The following EMSY variants were observed in gnomAD, a reference collection of about 807,000 sequenced individuals.
EMSY encodes BRCA2-interacting transcriptional repressor EMSY.
Under a neutral mutation model 134.6 loss-of-function variants are expected in EMSY, and 26 were observed. The observed-to-expected ratio is 0.19, with a 90% CI of 0.14 to 0.27. EMSY has a LOEUF of 0.27. Ranked by LOEUF, EMSY falls within the 10% of genes least tolerant of loss-of-function variation. The pLI is 1.00. For missense variants in EMSY, 1,305 were observed against 1,611.4 expected, an observed-to-expected ratio of 0.81 and a Z score of 3.26; for synonymous variants, 579 against 577.8, an observed-to-expected ratio of 1.00 and a Z score of -0.03.
At chr11:76,458,331 G>C in exon 5 of EMSY, 4 of 1,611,654 alleles carry the variant, frequency 2.5e-6, no homozygotes, top group Non-Finnish European at 3.4e-6. Context: ...ATCTCTTCCA[G>C]TGCCTGCAGA....
intron 14 of EMSY, 120 bp downstream of exon 15, chr11:76,528,586 T>A: frequency 3.2e-5 from 4 of 125,334 alleles, no homozygotes; most frequent in Non-Finnish European, 5.9e-5. Context: ...ATTCTTTTCC[T>A]TTTTTTTTTT....
intron 11 of EMSY, among the ~76,000 whole-genome samples, chr11:76,518,994 T>C (rs1950554058): frequency 1.3e-5 from 2 of 151,694 alleles, no homozygotes; most frequent in South Asian, 4.1e-4. Flanking sequence ...CAAAGTACTT[T>C]CTAGAAAGTT....
chr11:76,462,099 T>G (rs1013170662), intron 6 of EMSY, among the ~76,000 whole-genome samples: 1 of 151,530 alleles, frequency 6.6e-6, no homozygotes, highest in Admixed American at 6.6e-5. Flanking sequence ...ATTAGCCAGG[T>G]GTGGTGGCAG....
At position 76,516,957 on chromosome 11, in the gene EMSY, G is replaced by A. The variant is rs1950470703; in HGVS notation, c.1684+645G>A. On this transcript the variant is annotated intron_variant, in intron 11 of 20. Coordinates refer to ENST00000334736, the Ensembl canonical transcript of EMSY. ...TTGAAACCATACCTGGTTTTTATTG[G>A]CTCATTAATCTCTGCAGTTCTTGGG... The A allele has an allele frequency of 5.3e-5, 8 of 152,052 alleles. No individual in the cohort carries two copies. The South Asian group carries it at 1.7e-3, about 32-fold the overall frequency. The allele number at this position is 152,052 out of a possible 1,614,324, so 9.4% of individuals were successfully genotyped here. A position where few individuals can be genotyped will look rare whatever the true frequency, so the allele number is the denominator to read the frequency against.
At chr11:76,538,855 G>C (rs375723783) in intron 16 of EMSY, among the ~76,000 whole-genome samples, 2 of 152,132 alleles carry the variant, frequency 1.3e-5, no homozygotes, top group Admixed American at 6.5e-5. Flanking sequence ...CTACTCGGGA[G>C]GCTGAGTCAC....
At chr11:76,505,621 G>T (rs940036177) in intron 9 of EMSY, among the ~76,000 whole-genome samples, 16 of 152,138 alleles carry the variant, frequency 1.1e-4, no homozygotes, top group African/African-American at 3.9e-4. Context: ...ACCTTGGGAG[G>T]CTGAGGCGGG....
chr11:76,450,270 G>A (rs1947604283), intron 2 of EMSY, among the ~76,000 whole-genome samples: 1 of 152,038 alleles, frequency 6.6e-6, no homozygotes, highest in East Asian at 1.9e-4. Flanking sequence ...AGAGTATACT[G>A]CATTCTTGGT....
In EMSY at chr11:76,505,867, G is replaced by A. The variant is rs1021424661; in HGVS notation, c.1364-7519G>A. ...GCGAGACTCTGTCTCAAAAAAAAAA[G>A]AAAAAAAAATTTCAGGCCGAGCACA... On this transcript the variant is annotated intron_variant, in intron 9 of 20. Coordinates refer to ENST00000334736, the Ensembl canonical transcript of EMSY. 4.1e-5 allele frequency among the ~76,000 whole-genome samples: 6 copies of A among 147,692 alleles called. No individual in the cohort carries two copies. In the East Asian group the frequency reaches 1.2e-3, roughly 30 times the overall value.
At chr11:76,469,752 CA>C (rs1165960477) in intron 7 of EMSY, among the ~76,000 whole-genome samples, 1 of 152,098 alleles carries the variant, frequency 6.6e-6, no homozygotes, top group Non-Finnish European at 1.5e-5. Context: ...CCAACATGTC[CA>C]GGGGCCTGCC....
intron 6 of EMSY, among the ~76,000 whole-genome samples, chr11:76,463,447 C>A (rs1300647826): frequency 1.3e-5 from 2 of 151,302 alleles, no homozygotes; most frequent in East Asian, 1.9e-4. Flanking sequence ...CAAGGTGAAA[C>A]CCCGTCTCTA....
At chr11:76,543,581 C>G (rs1253115233) in intron 18 of EMSY, among the ~76,000 whole-genome samples, 1 of 152,204 alleles carries the variant, frequency 6.6e-6, no homozygotes, top group Non-Finnish European at 1.5e-5. Flanking sequence ...CCTCACAACA[C>G]TTATCACTGA....
rs371646921 is a variant in EMSY at position 76,494,970 on chromosome 11, A to G, written c.1109-1245A>G. On this transcript the variant is annotated intron_variant, in intron 8 of 20. Coordinates refer to ENST00000334736, the Ensembl canonical transcript of EMSY. Reference sequence around the variant, plus strand: ...AGGCTGGTCTTAAACTCCTGACTTCAGGTGATACGCCTGCCTCAGCCTCCC... The same window carrying G: ...AGGCTGGTCTTAAACTCCTGACTTCGGGTGATACGCCTGCCTCAGCCTCCC... Among the ~76,000 whole-genome samples, 7 of 152,262 alleles carry G rather than the reference A, an allele frequency of 4.6e-5. No individual in the cohort carries two copies. In the East Asian group the frequency reaches 5.8e-4, roughly 13 times the overall value.
At chr11:76,459,993 G>A in exon 6 of EMSY, 1 of 1,614,168 alleles carries the variant, frequency 6.2e-7, no homozygotes, top group Non-Finnish European at 8.5e-7. Context: ...CCTGTTCCAA[G>A]TGGCAGCATA....
intron 8 of EMSY, among the ~76,000 whole-genome samples, chr11:76,494,569 A>G (rs1949550698): frequency 6.6e-6 from 1 of 151,730 alleles, no homozygotes; most frequent in South Asian, 2.1e-4. Context: ...GGAGTGGGGA[A>G]CTATGTAAGT....
rs149930208 is a variant in EMSY at position 76,448,144 on chromosome 11, C to T, written c.70+1136C>T. On this transcript the variant is annotated intron_variant, in intron 2 of 20. Transcript: ENST00000334736. ...GTGTTAACAGTATACATAAAGGGCC[C>T]GTCATAGTAAATCTTTGTTGGGAAT... Among the ~76,000 whole-genome samples, 713 of 152,086 alleles carry T rather than the reference C, an allele frequency of 4.7e-3. 4 individuals carry two copies. The highest frequency in any genetic ancestry group is 0.016 in the African/African-American group (667 of 41,490).
chr11:76,551,331 A>T (rs1951830244), exon 21 of EMSY: 1 of 152,706 alleles, frequency 6.5e-6, no homozygotes, highest in Non-Finnish European at 1.5e-5. Context: ...GTAAATAGAA[A>T]AGTTTTTAAC....
intron 9 of EMSY, among the ~76,000 whole-genome samples, chr11:76,506,556 C>T (rs1950084596): frequency 6.6e-6 from 1 of 152,070 alleles, no homozygotes; most frequent in Admixed American, 6.5e-5. Context: ...AAAATGGATA[C>T]AGATAGCACA....
intron 8 of EMSY, among the ~76,000 whole-genome samples, chr11:76,492,429 C>T (rs1171084405): frequency 3.9e-5 from 6 of 152,082 alleles, no homozygotes; most frequent in Non-Finnish European, 5.9e-5. Context: ...GTTGAGATCA[C>T]GCCACTGCAC....
chr11:76,530,486 TG>T (rs1176264385), intron 14 of EMSY, among the ~76,000 whole-genome samples: 1 of 152,206 alleles, frequency 6.6e-6, no homozygotes, highest in African/African-American at 2.4e-5. Context: ...ATTCTAAGAA[TG>T]GGACATAAGT....
Sources: allele counts gnomAD v4.1 joint callset (sites outside exome capture counted in the v4.1 genomes callset), GRCh38; gene constraint gnomAD v4.1.1; transcripts MANE v1.5; gene names NCBI Gene and HGNC (gene_info 2026-07-23, HGNC 2026-07-21).